Variants in KIAA0319 observed in about 807,000 individuals in gnomAD.
KIAA0319 encodes the protein KIAA0319.
KIAA0319 carries 83 observed loss-of-function variants against 108.4 expected under a neutral mutation model. The ratio of observed to expected loss-of-function variants is 0.77; its 90% CI spans 0.64 to 0.92. The LOEUF (loss-of-function observed/expected upper bound fraction) is 0.92, where lower values mean the gene tolerates loss of function less well. KIAA0319 is among the 40% of genes least tolerant of loss of function. KIAA0319 has a pLI of 0.00. For missense variants in KIAA0319, 1,195 were observed against 1,322.4 expected (o/e 0.90, Z 1.49); for synonymous variants, 484 against 510.4 (o/e 0.95, Z 0.70).
chr6:24,586,804 A>T (rs1175209645), intron 4 of KIAA0319, among the ~76,000 whole-genome samples: 1 of 152,058 alleles, frequency 6.6e-6, no homozygotes, highest in Non-Finnish European at 1.5e-5. Flanking sequence ...GGTAGATGGA[A>T]ACTTATTCTA....
intron 2 of KIAA0319, among the ~76,000 whole-genome samples, chr6:24,600,437 T>C (rs1230496570): frequency 1.3e-5 from 2 of 152,104 alleles, no homozygotes; most frequent in Non-Finnish European, 2.9e-5. Context: ...CATCTCCAGG[T>C]GCTGCTGAAA....
chr6:24,560,889 C>G (rs1763017020), intron 16 of KIAA0319, among the ~76,000 whole-genome samples: 1 of 152,140 alleles, frequency 6.6e-6, no homozygotes. Flanking sequence ...TAGGGCTTGA[C>G]TATATTTTGG....
chr6:24,629,253 C>T (rs1437919166), intron 1 of KIAA0319, among the ~76,000 whole-genome samples: 2 of 152,002 alleles, frequency 1.3e-5, no homozygotes, highest in Admixed American at 6.6e-5. Context: ...TGGTGGCTCA[C>T]GCCTGTAACC....
At chr6:24,543,427 A>G (rs546637313), downstream of KIAA0319, among the ~76,000 whole-genome samples, 5 of 152,226 alleles carry the variant, frequency 3.3e-5, no homozygotes, top group East Asian at 7.7e-4. Flanking sequence ...TTATACCTCA[A>G]TCTGCATTTT....
In KIAA0319 at chr6:24,552,921, T is replaced by C. The variant is rs2127417772; in HGVS notation, c.2949-1396A>G. Among the ~76,000 whole-genome samples the C allele has an allele frequency of 1.3e-5, 2 of 152,218 alleles. 1 individual carries two copies. Among genetic ancestry groups the C allele is most frequent in the South Asian group, 4.1e-4 (2 of 4,822 alleles). On this transcript the variant is annotated intron_variant, in intron 19 of 20. Coordinates refer to ENST00000378214, the MANE Select transcript of KIAA0319 (RefSeq NM_014809.4). ...AGCCCAGATTAAAATATACGTTTTT[T>C]AAAAATCACACCTTTGGAGAGCAGT... is the stretch of plus-strand genomic sequence containing the variant.
chr6:24,619,986 C>T (rs780894000), intron 1 of KIAA0319, among the ~76,000 whole-genome samples: 16 of 152,230 alleles, frequency 1.1e-4, no homozygotes, highest in Non-Finnish European at 1.6e-4. Flanking sequence ...TTCATTCTAA[C>T]ACTGCTGGAT....
intron 20 of KIAA0319, among the ~76,000 whole-genome samples, chr6:24,548,895 T>C (rs776405928): frequency 2.6e-5 from 4 of 152,186 alleles, no homozygotes; most frequent in Non-Finnish European, 5.9e-5. Flanking sequence ...AGACGGACAG[T>C]AGACATAGAG....
intron 2 of KIAA0319, chr6:24,600,762 G>T: frequency 9.8e-7 from 1 of 1,016,418 alleles, no homozygotes; most frequent in Non-Finnish European, 1.4e-6. Flanking sequence ...GGCCTTTCCA[G>T]CCAGATCTAG....
At chr6:24,589,226 TTATAAG>T (rs1445319477) in intron 3 of KIAA0319, among the ~76,000 whole-genome samples, 1 of 152,168 alleles carries the variant, frequency 6.6e-6, no homozygotes, top group Non-Finnish European at 1.5e-5. Context: ...ATTCGTGCCC[TTATAAG>T]TAGAGGAGAA....
At chr6:24,585,987 G>A (rs1767422733) in intron 4 of KIAA0319, among the ~76,000 whole-genome samples, 1 of 152,198 alleles carries the variant, frequency 6.6e-6, no homozygotes, top group Non-Finnish European at 1.5e-5. Flanking sequence ...TACTCAGGAA[G>A]CTGAGGCAGG....
intron 1 of KIAA0319, among the ~76,000 whole-genome samples, chr6:24,641,537 T>A (rs147072544): frequency 6.6e-6 from 1 of 152,178 alleles, no homozygotes; most frequent in South Asian, 2.1e-4. Flanking sequence ...ATAGGAAACA[T>A]TGAAGACTAG....
chr6:24,569,739 T>C (rs1764408077), intron 12 of KIAA0319, among the ~76,000 whole-genome samples, 164 bp downstream of exon 12: 1 of 152,206 alleles, frequency 6.6e-6, no homozygotes, highest in Admixed American at 6.5e-5. Flanking sequence ...CATCCACACT[T>C]AATGTACTCT....
At chr6:24,595,343 T>G (rs1582129360) in intron 3 of KIAA0319, among the ~76,000 whole-genome samples, 1 of 151,844 alleles carries the variant, frequency 6.6e-6, no homozygotes, top group Admixed American at 6.6e-5. Flanking sequence ...TCAGGAGATC[T>G]AGACCATCCT....
intron 2 of KIAA0319, chr6:24,600,627 G>A (rs1036320413): frequency 1.6e-5 from 25 of 1,526,318 alleles, no homozygotes; most frequent in South Asian, 2.4e-5. Context: ...ACATGGGCTC[G>A]GCCAGCCCAG....
chr6:24,630,616 G>A (rs9358781), intron 1 of KIAA0319, among the ~76,000 whole-genome samples: 107,037 of 147,098 alleles, frequency 0.73, 39,712 homozygotes, highest in East Asian at 0.87. Flanking sequence ...ATTATAAATC[G>A]TGCCAACAAA....
chr6:24,631,374 A>C (rs953121786), intron 1 of KIAA0319, among the ~76,000 whole-genome samples: 1 of 152,240 alleles, frequency 6.6e-6, no homozygotes, highest in Non-Finnish European at 1.5e-5. Context: ...GGGAGGGTCA[A>C]CTTGATAAAA....
At chr6:24,610,455 T>C (rs1216064323) in intron 1 of KIAA0319, among the ~76,000 whole-genome samples, 3 of 152,168 alleles carry the variant, frequency 2.0e-5, no homozygotes, top group Non-Finnish European at 4.4e-5. Flanking sequence ...ATGTGAGAAA[T>C]TGGAATCCTC....
chr6:24,540,636 T>A (rs571695049), downstream of KIAA0319, among the ~76,000 whole-genome samples: 1 of 120,428 alleles, frequency 8.3e-6, no homozygotes, highest in African/African-American at 3.1e-5. Context: ...GTTGGAGAAA[T>A]GGTGACTTTG....
chr6:24,609,283 A>AG (rs1230504863), intron 1 of KIAA0319, among the ~76,000 whole-genome samples: 19 of 150,442 alleles, frequency 1.3e-4, no homozygotes, highest in African/African-American at 3.9e-4. Context: ...CAAAAAAAAA[A>AG]AAAAAAGAAA....
Sources: allele counts gnomAD v4.1 joint callset (sites outside exome capture counted in the v4.1 genomes callset), GRCh38; gene constraint gnomAD v4.1.1; transcripts MANE v1.5; gene names NCBI Gene and HGNC (gene_info 2026-07-23, HGNC 2026-07-21).